DYNC2H1: variants seen among roughly 807,000 people sequenced by gnomAD.
The protein encoded by DYNC2H1 is dynein cytoplasmic 2 heavy chain 1, also known as cytoplasmic dynein 2 heavy chain 1.
A neutral mutation model predicts 570.0 loss-of-function variants in DYNC2H1; 410 were observed. The observed-to-expected ratio is 0.72, with a 90% confidence interval of 0.66 to 0.78. DYNC2H1 has a LOEUF of 0.78. DYNC2H1 is among the 30% of genes least tolerant of loss of function. The probability of loss-of-function intolerance (pLI) is 0.00; values close to 1 mark genes in which losing one functional copy is unlikely to be tolerated. For missense variants in DYNC2H1, 4,865 were observed against 5,046.4 expected, an observed-to-expected ratio of 0.96 and a Z score of 1.09; for synonymous variants, 1,688 against 1,677.6, an observed-to-expected ratio of 1.01 and a Z score of -0.15.
chr11:103,238,658 A>G (rs542516871), intron 63 of DYNC2H1, among the ~76,000 whole-genome samples: 20 of 152,296 alleles, frequency 1.3e-4, no homozygotes, highest in African/African-American at 4.6e-4. Flanking sequence ...AGGCTTTGCT[A>G]AGAAAGGCTT....
At chr11:103,449,969 A>T (rs2135790561) in intron 85 of DYNC2H1, among the ~76,000 whole-genome samples, 1 of 152,332 alleles carries the variant, frequency 6.6e-6, no homozygotes, top group East Asian at 1.9e-4. Context: ...ATTGCACTTT[A>T]AATATAAATA....
intron 85 of DYNC2H1, among the ~76,000 whole-genome samples, chr11:103,442,828 CAAATT>C (rs1944311324): frequency 6.6e-6 from 1 of 152,022 alleles, no homozygotes; most frequent in East Asian, 1.9e-4. Flanking sequence ...ACTCTTATGA[CAAATT>C]TGGTTTCTTG....
In DYNC2H1 at chr11:103,465,332, G is replaced by GAACTT. The variant is rs1359201722; in HGVS notation, c.12649-3254_12649-3250dup. On this transcript the variant is annotated intron_variant, in intron 87 of 88. Coordinates refer to ENST00000375735, the MANE Select transcript of DYNC2H1 (RefSeq NM_001377.3). This position sits in a 1 kb window ranked among gnomAD's most constrained non-coding sequence, Gnocchi z 4.9. ...AGAAGTGGAAAAATACAAGAAAGAA[G>GAACTT]AACTTAATGGTGAAAATGTCCTGTT... Among the ~76,000 whole-genome samples, 3 of 151,930 alleles carry GAACTT rather than the reference G, an allele frequency of 2.0e-5. No individual in the cohort carries two copies. The highest frequency in any genetic ancestry group is 7.3e-5 in the African/African-American group (3 of 41,378).
chr11:103,189,789 A>G lies in DYNC2H1; in HGVS notation c.7410A>G (p.Ala2470=). ...WGSSSKIYLL[A]GSMVQVYEQV... ...CTTCATCAAAAATTTATCTTTTAGC[A>G]GGATCTATGGTACAAGTGTATGAAC... The change falls in exon 45 of 89, where the codon GCA becomes GCG. Residue 2470 remains alanine, a synonymous_variant. Transcript: ENST00000375735. This position sits in a 1 kb window ranked among gnomAD's most constrained non-coding sequence, Gnocchi z 4.3. The G allele has an allele frequency of 6.2e-7, 1 of 1,611,244 alleles. No homozygotes were observed. Among genetic ancestry groups the G allele is most frequent in the Non-Finnish European group, 8.5e-7 (1 of 1,179,080 alleles).
chr11:103,297,979 C>T (rs1046522888), intron 75 of DYNC2H1, among the ~76,000 whole-genome samples: 1 of 152,034 alleles, frequency 6.6e-6, no homozygotes, highest in Admixed American at 6.6e-5. Flanking sequence ...AGATTATTAC[C>T]ATTCAGGCTT....
intron 83 of DYNC2H1, among the ~76,000 whole-genome samples, chr11:103,380,830 G>A (rs1941612516): frequency 6.6e-6 from 1 of 152,144 alleles, no homozygotes; most frequent in Admixed American, 6.6e-5. Flanking sequence ...CCAAAATGCT[G>A]GGATTCCAGA....
rs386374721 is a variant in DYNC2H1, at chr11:103,309,168, A to ATTTTTT, written c.11493+1356_11493+1361dup. On this transcript the variant is annotated intron_variant, in intron 78 of 88. Transcript: ENST00000375735. Reference sequence around the variant, plus strand: ...TTATTAGTGTTTGTAACTGCATGCTATTTTTTTTTTTTTTTTTTTTTTTTG... The same window carrying ATTTTTT: ...TTATTAGTGTTTGTAACTGCATGCTATTTTTTTTTTTTTTTTTTTTTTTTTTTTTTG... Among the ~76,000 whole-genome samples, 159 of 54,652 alleles carry ATTTTTT rather than the reference A, an allele frequency of 2.9e-3. 19 individuals are homozygous for ATTTTTT. The highest frequency in any genetic ancestry group is 4.2e-3 in the Non-Finnish European group (124 of 29,378). 35.9% of individuals were successfully genotyped at this position (54,652 alleles called of 152,430 possible). A position where few individuals can be genotyped will look rare whatever the true frequency, so the allele number is the denominator to read the frequency against.
rs1383719853 is a variant in DYNC2H1, at chr11:103,122,973, G to T, written c.1634G>T (p.Gly545Val). 6 of 1,551,420 alleles carry T rather than the reference G, an allele frequency of 3.9e-6. No homozygotes were observed. The South Asian group carries it at 6.3e-5, about 16-fold the overall frequency. ...FDDWSRDIQS[G>V]LSDSRSGLCI... The stretch of plus-strand genomic sequence containing the variant: ...GATTGGTCCAGGGATATTCAATCAG[G>T]TTTATCTGATTCCAGATCTGGTTTG... The change falls in exon 11 of 89, where the codon GGT becomes GTT. Residue 545 changes from glycine to valine, a missense_variant. By Grantham distance (109) the Gly-to-Val change is moderately radical. Transcript: ENST00000375735.
rs1306868997 is a variant in DYNC2H1 at position 103,135,798 on chromosome 11, C to T, written c.2424C>T (p.Gly808=). The T allele has an allele frequency of 6.2e-7, 1 of 1,613,058 alleles. No individual in the cohort carries two copies. The change falls in exon 17 of 89, where the codon GGC becomes GGT. Residue 808 remains glycine, a synonymous_variant. Transcript: ENST00000375735. ...KYYREMKRFI[G]IPNQFKGVGE... ...ATAGAGAAATGAAGAGATTCATCGG[C>T]ATTCCAAATCAGTTTAAGGGAGTGG...
rs1302185722 is a variant in DYNC2H1 at position 103,170,513 on chromosome 11, A to G, written c.5151+223A>G. On this transcript the variant is annotated intron_variant, in intron 33 of 88. Transcript: ENST00000375735. This position sits in a 1 kb window ranked among gnomAD's most constrained non-coding sequence, Gnocchi z 4.8. ...AAATAATTTTAAATACAGAATGAAG[A>G]TTTATATTACATTGAAGAAAAATGT... Among the ~76,000 whole-genome samples, 1 of 152,206 alleles carries G rather than the reference A, an allele frequency of 6.6e-6. No homozygotes were observed. The highest frequency in any genetic ancestry group is 1.9e-4 in the East Asian group (1 of 5,200).
rs181215119 is a variant in DYNC2H1 at position 103,321,333 on chromosome 11, A to G, written c.11934+96A>G. On this transcript the variant is annotated intron_variant, in intron 81 of 88. Coordinates refer to ENST00000375735, the MANE Select transcript of DYNC2H1 (RefSeq NM_001377.3). ...CATGTTACTTCTTTTCAAATGCACA[A>G]GTAATTATTCACAGTTTGGATTATT... is the stretch of plus-strand genomic sequence containing the variant. 7.4e-5 allele frequency: 85 copies of G among 1,146,462 alleles called. No homozygotes were observed. In the East Asian group the frequency reaches 1.6e-3, roughly 22 times the overall value. 71.0% of individuals were successfully genotyped at this position (1,146,462 alleles called of 1,614,324 possible). A position where few individuals can be genotyped will look rare whatever the true frequency, so the allele number is the denominator to read the frequency against.
chr11:103,170,308 C>G lies in DYNC2H1; in HGVS notation c.5151+18C>G. On this transcript the variant is annotated intron_variant, in intron 33 of 88. Transcript: ENST00000375735. The surrounding 1 kb of genome is among the most constrained non-coding windows in gnomAD (Gnocchi z 4.8). Reference sequence around the variant, plus strand: ...GTGATGAGGTAGAATAAATAATTATCAAAATATGTAACAATGGGTTAATCA... The same window carrying G: ...GTGATGAGGTAGAATAAATAATTATGAAAATATGTAACAATGGGTTAATCA... The G allele has an allele frequency of 6.5e-7, 1 of 1,538,810 alleles. No homozygotes were observed. Among genetic ancestry groups the G allele is most frequent in the Admixed American group, 2.2e-5 (1 of 45,638 alleles).
At chr11:103,296,148 C>G (rs186163494) in intron 75 of DYNC2H1, among the ~76,000 whole-genome samples, 1 of 152,112 alleles carries the variant, frequency 6.6e-6, no homozygotes, top group Non-Finnish European at 1.5e-5. Context: ...ACTTGTGAGT[C>G]TATTGAAATC....
chr11:103,256,273 T>C lies in DYNC2H1; in HGVS notation c.10461+33T>C, dbSNP rs553335078. On this transcript the variant is annotated intron_variant, in intron 68 of 88. Coordinates refer to ENST00000375735, the MANE Select transcript of DYNC2H1 (RefSeq NM_001377.3). The surrounding 1 kb of genome is among the most constrained non-coding windows in gnomAD (Gnocchi z 4.0). ...TTTCCTTCTTTGTAATTTCGTATTA[T>C]GTTTTCTTGAACATTTAGGTTAATA... is the stretch of plus-strand genomic sequence containing the variant. 2.6e-6 allele frequency: 4 copies of C among 1,557,666 alleles called. No individual in the cohort carries two copies. Among genetic ancestry groups the C allele is most frequent in the South Asian group, 1.2e-5 (1 of 81,556 alleles).
intron 58 of DYNC2H1, 146 bp downstream of exon 58, chr11:103,222,299 G>A: frequency 1.8e-6 from 1 of 542,060 alleles, no homozygotes; most frequent in East Asian, 3.4e-5. Flanking sequence ...CACTTGGGAA[G>A]CATTAACCAT....
chr11:103,459,650 C>G (rs1463105038), intron 87 of DYNC2H1, among the ~76,000 whole-genome samples: 1 of 152,074 alleles, frequency 6.6e-6, no homozygotes, highest in Non-Finnish European at 1.5e-5. Flanking sequence ...CCATAAAATT[C>G]TCACTTAAAG....
intron 87 of DYNC2H1, among the ~76,000 whole-genome samples, chr11:103,458,462 A>T (rs1944872538): frequency 6.6e-6 from 1 of 152,128 alleles, no homozygotes; most frequent in African/African-American, 2.4e-5. Context: ...AAAATTCAAA[A>T]AAAAATTCAA....
At chr11:103,364,067 G>A (rs929005200) in intron 83 of DYNC2H1, among the ~76,000 whole-genome samples, 17 of 151,976 alleles carry the variant, frequency 1.1e-4, no homozygotes, top group African/African-American at 4.1e-4. Context: ...AAAAGGAAAT[G>A]ACCAAAGAAA....
intron 79 of DYNC2H1, among the ~76,000 whole-genome samples, chr11:103,313,845 C>T (rs1038786322): frequency 6.6e-6 from 1 of 152,024 alleles, no homozygotes; most frequent in Admixed American, 6.6e-5. Context: ...ATATGTATAC[C>T]ACACTTATGG....
Sources: allele counts gnomAD v4.1 joint callset (sites outside exome capture counted in the v4.1 genomes callset), GRCh38; gene constraint gnomAD v4.1.1; non-coding constraint Gnocchi (gnomAD v3.1); transcripts MANE v1.5; gene names NCBI Gene and HGNC (gene_info 2026-07-23, HGNC 2026-07-21).